Variants in RBMS3 observed in about 807,000 individuals in gnomAD.
RBMS3 encodes the protein RNA-binding motif, single-stranded-interacting protein 3.
In RBMS3, 27 loss-of-function variants were observed where a neutral mutation model predicts 66.8. That is an observed-to-expected ratio of 0.40 (90% CI 0.30 to 0.56). RBMS3 has a LOEUF of 0.56. Among genes scored for constraint, RBMS3 ranks in the 20% least tolerant of loss-of-function variants. The pLI, the probability that RBMS3 is intolerant of heterozygous loss-of-function variation, is 0.40. For missense variants in RBMS3, 513 were observed against 549.5 expected, an observed-to-expected ratio of 0.93 and a Z score of 0.66; for synonymous variants, 188 against 183.0, an observed-to-expected ratio of 1.03 and a Z score of -0.22.
chr3:29,608,936 A>G lies in RBMS3; in HGVS notation c.399+21731A>G, dbSNP rs145485588. Reference sequence around the variant, plus strand: ...TGTTAATAGAAAGTGTGGTTTATGTATTCCTTATAAATTTCATTCATATTC... The same window carrying G: ...TGTTAATAGAAAGTGTGGTTTATGTGTTCCTTATAAATTTCATTCATATTC... On this transcript the variant is annotated intron_variant, in intron 4 of 14. Coordinates refer to ENST00000383767, the MANE Select transcript of RBMS3 (RefSeq NM_001003793.3). Among the ~76,000 whole-genome samples the G allele has an allele frequency of 3.3e-4, 50 of 152,106 alleles. No individual in the cohort carries two copies. In the East Asian group the frequency reaches 8.4e-3, roughly 25 times the overall value.
rs531593869 is a variant in RBMS3 at position 29,389,019 on chromosome 3, A to G, written c.76-45724A>G. ...AGGAATCATCTCTTGATTTTTTAAAATTTAAAAGTTTTATTTAATTGAATC... is the reference window on the plus strand; with the variant it reads ...AGGAATCATCTCTTGATTTTTTAAAGTTTAAAAGTTTTATTTAATTGAATC... On this transcript the variant is annotated intron_variant, in intron 1 of 14. Coordinates refer to ENST00000383767, the MANE Select transcript of RBMS3 (RefSeq NM_001003793.3). Among the ~76,000 whole-genome samples the G allele has an allele frequency of 2.6e-5, 4 of 152,322 alleles. No individual in the cohort carries two copies. In the South Asian group the frequency reaches 8.3e-4, roughly 32 times the overall value.
intron 10 of RBMS3, among the ~76,000 whole-genome samples, chr3:29,911,775 A>C (rs899265598): frequency 1.3e-5 from 2 of 152,036 alleles, no homozygotes; most frequent in East Asian, 3.9e-4. Flanking sequence ...AAAATACCAG[A>C]ACTTATATGT....
intron 4 of RBMS3, among the ~76,000 whole-genome samples, chr3:29,717,660 G>A (rs1295282977): frequency 6.6e-6 from 1 of 152,046 alleles, no homozygotes; most frequent in Non-Finnish European, 1.5e-5. Flanking sequence ...TGAAGCCGTT[G>A]ATCCATTAGA....
At chr3:29,769,124 G>A (rs1306056745) in intron 6 of RBMS3, among the ~76,000 whole-genome samples, 2 of 151,764 alleles carry the variant, frequency 1.3e-5, no homozygotes, top group Admixed American at 1.3e-4. Context: ...GGTTAATGAA[G>A]GTGAACATTA....
chr3:29,992,456 G>A (rs951010598), intron 14 of RBMS3, among the ~76,000 whole-genome samples: 2 of 152,184 alleles, frequency 1.3e-5, no homozygotes, highest in Admixed American at 6.5e-5. Context: ...GCATGGTGGC[G>A]GGTGCCTGTA....
chr3:29,781,678 A>G (rs1342751208), intron 6 of RBMS3, among the ~76,000 whole-genome samples: 1 of 151,964 alleles, frequency 6.6e-6, no homozygotes, highest in Non-Finnish European at 1.5e-5. Flanking sequence ...GCTCCCTGAG[A>G]CACCAAAAAA....
At chr3:29,777,903 T>C (rs2056482368) in intron 6 of RBMS3, among the ~76,000 whole-genome samples, 1 of 151,910 alleles carries the variant, frequency 6.6e-6, no homozygotes, top group Non-Finnish European at 1.5e-5. Context: ...TGTAGTACAT[T>C]GGGGTTGTAG....
At position 29,467,432 on chromosome 3, in the gene RBMS3, A is replaced by G. The variant is rs79942231; in HGVS notation, c.249-21009A>G. On this transcript the variant is annotated intron_variant, in intron 2 of 14. Transcript: ENST00000383767. ...TTTGCGTTTATGTGCTTACATACAT[A>G]TGTGTGTCATGAAGCTGTGTTTCAG... Among the ~76,000 whole-genome samples the G allele has an allele frequency of 1.3e-3, 204 of 152,296 alleles. 2 individuals carry two copies. The East Asian group carries it at 0.032, about 24-fold the overall frequency.
chr3:29,997,642 A>G (rs1577353988), intron 14 of RBMS3, among the ~76,000 whole-genome samples: 2 of 151,992 alleles, frequency 1.3e-5, no homozygotes, highest in East Asian at 3.9e-4. Flanking sequence ...GTAATCCAGC[A>G]TATAAACAGA....
intron 12 of RBMS3, among the ~76,000 whole-genome samples, chr3:29,962,033 T>C (rs1696494191): frequency 2.1e-5 from 3 of 145,648 alleles, no homozygotes. Context: ...ATTTTGTATG[T>C]ATAATATATT....
intron 12 of RBMS3, among the ~76,000 whole-genome samples, chr3:29,985,627 C>G (rs1698329910): frequency 6.6e-6 from 1 of 152,086 alleles, no homozygotes. Context: ...TTGTGCTTCC[C>G]AGGTGAGGCG....
intron 3 of RBMS3, among the ~76,000 whole-genome samples, chr3:29,542,563 G>A (rs993438649): frequency 6.6e-6 from 1 of 152,130 alleles, no homozygotes; most frequent in Non-Finnish European, 1.5e-5. Context: ...GTTTCACCAT[G>A]TTGGCCAGGC....
At chr3:29,605,894 G>A (rs2048305126) in intron 4 of RBMS3, among the ~76,000 whole-genome samples, 2 of 151,254 alleles carry the variant, frequency 1.3e-5, no homozygotes, top group South Asian at 4.2e-4. Flanking sequence ...GTCAGATATA[G>A]CAGTTTGACC....
chr3:29,999,488 C>T (rs1187910600), intron 14 of RBMS3, among the ~76,000 whole-genome samples: 2 of 152,124 alleles, frequency 1.3e-5, no homozygotes, highest in East Asian at 1.9e-4. Flanking sequence ...GCACTATTCA[C>T]AATAGCAAAG....
At chr3:29,677,650 T>C (rs2051312560) in intron 4 of RBMS3, among the ~76,000 whole-genome samples, 1 of 152,184 alleles carries the variant, frequency 6.6e-6, no homozygotes, top group Non-Finnish European at 1.5e-5. Flanking sequence ...ACTTGTGGCA[T>C]TTTTCCAGTT....
intron 3 of RBMS3, chr3:29,556,339 C>T (rs1485927909): frequency 6.6e-6 from 1 of 152,310 alleles, no homozygotes; most frequent in Non-Finnish European, 1.5e-5. Flanking sequence ...CGCGGTGGCT[C>T]ACGCCTGTAA....
At chr3:29,350,454 CA>C (rs1331104435) in intron 1 of RBMS3, among the ~76,000 whole-genome samples, 1 of 152,064 alleles carries the variant, frequency 6.6e-6, no homozygotes, top group Non-Finnish European at 1.5e-5. Context: ...AAACTAATTT[CA>C]GTTAGTTTAC....
chr3:29,660,246 G>T (rs2050488104), intron 4 of RBMS3, among the ~76,000 whole-genome samples: 1 of 151,850 alleles, frequency 6.6e-6, no homozygotes, highest in Admixed American at 6.6e-5. Flanking sequence ...GTGCATAAAA[G>T]TTCATAATCA....
chr3:29,753,017 C>T (rs555007926), intron 5 of RBMS3, among the ~76,000 whole-genome samples: 4 of 152,062 alleles, frequency 2.6e-5, no homozygotes, highest in South Asian at 2.1e-4. Context: ...TGGAGATTTC[C>T]GTTATATATG....
Sources: gnomAD v4.1 joint callset for allele counts (sites outside exome capture counted in the v4.1 genomes callset) on GRCh38, gnomAD v4.1.1 for gene constraint, MANE v1.5 for transcripts, NCBI Gene and HGNC (gene_info 2026-07-23, HGNC 2026-07-21) for gene names.